SKAP2: variants seen among roughly 807,000 people sequenced by gnomAD.
SKAP2 encodes src kinase-associated phosphoprotein 2.
In SKAP2, 28 loss-of-function variants were observed where a neutral mutation model predicts 54.9. That is an observed-to-expected ratio of 0.51 (90% CI 0.38 to 0.70). The LOEUF (loss-of-function observed/expected upper bound fraction) is 0.70. SKAP2 is among the 30% of genes least tolerant of loss of function. The pLI, the probability that SKAP2 is intolerant of heterozygous loss-of-function variation, is 0.00. For synonymous variants in SKAP2, 137 were observed against 134.3 expected (o/e 1.02, Z -0.14); for missense variants, 356 against 424.1 (o/e 0.84, Z 1.41).
chr7:26,730,827 C>A (rs1348856532), intron 6 of SKAP2, among the ~76,000 whole-genome samples: 1 of 152,178 alleles, frequency 6.6e-6, no homozygotes, highest in Non-Finnish European at 1.5e-5. Flanking sequence ...TTTCCTTCTA[C>A]TTTTTCACTG....
chr7:26,762,939 T>C (rs1244456986), intron 4 of SKAP2, among the ~76,000 whole-genome samples: 1 of 152,148 alleles, frequency 6.6e-6, no homozygotes, highest in Non-Finnish European at 1.5e-5. Context: ...TTCCAGTATG[T>C]AACAACATTG....
At chr7:26,757,444 T>G (rs1004111681) in intron 4 of SKAP2, among the ~76,000 whole-genome samples, 4 of 152,300 alleles carry the variant, frequency 2.6e-5, no homozygotes, top group African/African-American at 7.2e-5. Context: ...TTTCCCCATT[T>G]CTTGTTTTTG....
At chr7:26,764,036 C>T (rs775224952) in intron 4 of SKAP2, among the ~76,000 whole-genome samples, 31 of 152,084 alleles carry the variant, frequency 2.0e-4, no homozygotes, top group Non-Finnish European at 3.8e-4. Context: ...TGTTTCCAGC[C>T]TTTTTTAAAA....
chr7:26,738,311 C>T (rs1362065515), intron 6 of SKAP2, among the ~76,000 whole-genome samples: 1 of 152,114 alleles, frequency 6.6e-6, no homozygotes, highest in East Asian at 1.9e-4. Context: ...GTGCTTAGAA[C>T]GGTGCCCAGT....
intron 11 of SKAP2, among the ~76,000 whole-genome samples, chr7:26,672,856 T>C (rs988162141): frequency 1.1e-4 from 16 of 152,028 alleles, no homozygotes; most frequent in African/African-American, 3.4e-4. Flanking sequence ...AAAATGCTTC[T>C]TGGAGTACAG....
At chr7:26,781,358 G>A (rs566777479) in intron 4 of SKAP2, among the ~76,000 whole-genome samples, 1 of 151,922 alleles carries the variant, frequency 6.6e-6, no homozygotes, top group South Asian at 2.1e-4. Context: ...AAAAATAAAG[G>A]CATATTAGCC....
chr7:26,850,558 C>G (rs777189040), intron 3 of SKAP2, among the ~76,000 whole-genome samples: 7 of 150,804 alleles, frequency 4.6e-5, no homozygotes, highest in Non-Finnish European at 4.4e-5. Flanking sequence ...TCCACTCCAG[C>G]CTGGATGACA....
At chr7:26,849,076 T>A (rs139766433) in intron 3 of SKAP2, among the ~76,000 whole-genome samples, 2 of 152,214 alleles carry the variant, frequency 1.3e-5, no homozygotes, top group African/African-American at 4.8e-5. Context: ...CAGATTTCAC[T>A]GTGGAGTTAT....
chr7:26,714,417 G>C (rs1484375471), intron 9 of SKAP2, among the ~76,000 whole-genome samples: 1 of 152,132 alleles, frequency 6.6e-6, no homozygotes, highest in African/African-American at 2.4e-5. Context: ...CTAATAAAGA[G>C]GAAAACATCT....
intron 4 of SKAP2, chr7:26,746,616 C>CTTTTTT (rs10669344): frequency 3.8e-5 from 5 of 131,114 alleles, no homozygotes; most frequent in Admixed American, 3.1e-4. Flanking sequence ...AGTTCCATAC[C>CTTTTTT]TTTTTTTTTT....
chr7:26,750,034 C>G (rs1206506377), intron 4 of SKAP2, among the ~76,000 whole-genome samples: 2 of 151,686 alleles, frequency 1.3e-5, no homozygotes, highest in Non-Finnish European at 2.9e-5. Context: ...CTCTATATTA[C>G]CAATCAGAAA....
intron 9 of SKAP2, among the ~76,000 whole-genome samples, chr7:26,699,192 G>A (rs1272524418): frequency 6.6e-6 from 1 of 152,026 alleles, no homozygotes; most frequent in African/African-American, 2.4e-5. Context: ...TCGCGTCTGG[G>A]TACAATATCA....
intron 4 of SKAP2, among the ~76,000 whole-genome samples, chr7:26,822,424 T>C (rs2127990627): frequency 6.6e-6 from 1 of 152,298 alleles, no homozygotes. Flanking sequence ...CTAATTGTTT[T>C]GGGGCACTAT....
At chr7:26,827,201 G>A (rs1162257788) in intron 4 of SKAP2, among the ~76,000 whole-genome samples, 1 of 152,086 alleles carries the variant, frequency 6.6e-6, no homozygotes, top group African/African-American at 2.4e-5. Context: ...GGAGCTTCTG[G>A]AGGCATTTAT....
chr7:26,691,746 A>G (rs1216928728), intron 9 of SKAP2, among the ~76,000 whole-genome samples: 1 of 152,198 alleles, frequency 6.6e-6, no homozygotes, highest in African/African-American at 2.4e-5. Flanking sequence ...AGGGATGGAG[A>G]GAGTTTAAAT....
At chr7:26,763,383 A>G (rs1408997449) in intron 4 of SKAP2, among the ~76,000 whole-genome samples, 1 of 152,182 alleles carries the variant, frequency 6.6e-6, no homozygotes, top group African/African-American at 2.4e-5. Flanking sequence ...AAAAAAATTT[A>G]TGAAACTCAT....
chr7:26,707,701 G>A (rs1192453936), intron 9 of SKAP2, among the ~76,000 whole-genome samples: 3 of 152,118 alleles, frequency 2.0e-5, no homozygotes, highest in Admixed American at 6.5e-5. Flanking sequence ...AAGGCTTTGG[G>A]CCTGTGAGAA....
At chr7:26,745,596 C>T (rs1005987296) in intron 4 of SKAP2, among the ~76,000 whole-genome samples, 1 of 152,136 alleles carries the variant, frequency 6.6e-6, no homozygotes, top group Admixed American at 6.5e-5. Flanking sequence ...GTTACTGCAG[C>T]CTCTGCCTTC....
Position 26,796,438 on chromosome 7 carries a change from C to G in SKAP2, c.307+47592G>C, listed in dbSNP as rs139621270. On this transcript the variant is annotated intron_variant, in intron 4 of 12. Coordinates refer to ENST00000345317, the MANE Select transcript of SKAP2 (RefSeq NM_003930.5). ...CTTGTGGGTCTCACATATTTTTTAC[C>G]ATGTTTAGTGCAATACTGAAAACCT... 1.9e-4 allele frequency among the ~76,000 whole-genome samples: 29 copies of G among 152,270 alleles called. No homozygotes were observed. The East Asian group carries it at 5.2e-3, about 27-fold the overall frequency.
Sources: allele counts gnomAD v4.1 joint callset (sites outside exome capture counted in the v4.1 genomes callset), GRCh38; gene constraint gnomAD v4.1.1; transcripts MANE v1.5; gene names NCBI Gene and HGNC (gene_info 2026-07-23, HGNC 2026-07-21).